TRIO: variants seen among roughly 807,000 people sequenced by gnomAD.
The protein encoded by TRIO is triple functional domain protein.
In TRIO, 58 loss-of-function variants were observed where a neutral mutation model predicts 351.9. The ratio of observed to expected loss-of-function variants is 0.16; its 90% confidence interval spans 0.13 to 0.21. TRIO has a LOEUF of 0.21. Among genes scored for constraint, TRIO ranks in the 10% least tolerant of loss-of-function variants. The probability of loss-of-function intolerance (pLI) is 1.00; values close to 1 mark genes in which losing one functional copy is unlikely to be tolerated. For synonymous variants in TRIO, 1,758 were observed against 1,595.7 expected, an observed-to-expected ratio of 1.10 and a Z score of -2.42; for missense variants, 3,201 against 4,027.8, an observed-to-expected ratio of 0.79 and a Z score of 5.56.
At chr5:14,404,806 C>T (rs1022661565) in intron 31 of TRIO, among the ~76,000 whole-genome samples, 32 of 152,150 alleles carry the variant, frequency 2.1e-4, no homozygotes, top group Admixed American at 2.6e-4. Context: ...GACAGGTCCT[C>T]TGGTTAAAAC....
chr5:14,298,789 AC>A (rs2152291682), intron 7 of TRIO, among the ~76,000 whole-genome samples: 1 of 152,344 alleles, frequency 6.6e-6, no homozygotes, highest in South Asian at 2.1e-4. Context: ...CTACTTTCTA[AC>A]TTTTTGCATT....
intron 26 of TRIO, chr5:14,390,521 T>C: frequency 1.7e-6 from 1 of 581,784 alleles, no homozygotes; most frequent in Non-Finnish European, 3.0e-6. Context: ...GAATATTTAG[T>C]GTGCCAGGTC....
intron 1 of TRIO, among the ~76,000 whole-genome samples, chr5:14,216,569 TACTG>T (rs1792242112): frequency 1.3e-5 from 2 of 152,384 alleles, no homozygotes; most frequent in South Asian, 4.1e-4. Flanking sequence ...GTTCTCATAA[TACTG>T]ACATCAAGGT....
chr5:14,438,226 C>T (rs1318743011), intron 34 of TRIO, among the ~76,000 whole-genome samples: 1 of 152,206 alleles, frequency 6.6e-6, no homozygotes, highest in Non-Finnish European at 1.5e-5. Context: ...TTGCAAAATT[C>T]AACTCCATCT....
At chr5:14,331,985 A>G (rs1324617273) in intron 10 of TRIO, among the ~76,000 whole-genome samples, 1 of 152,226 alleles carries the variant, frequency 6.6e-6, no homozygotes, top group Non-Finnish European at 1.5e-5. Flanking sequence ...TTTCATGTTA[A>G]TGTTCCTGTT....
At chr5:14,394,703 T>G (rs764492789) in intron 28 of TRIO, among the ~76,000 whole-genome samples, 12 of 152,216 alleles carry the variant, frequency 7.9e-5, no homozygotes, top group Non-Finnish European at 1.3e-4. Context: ...CCGCAAGTAT[T>G]GGAGTCAGGC....
In TRIO at chr5:14,400,272, A is replaced by G. The variant is rs576100685; in HGVS notation, c.4615-691A>G. On this transcript the variant is annotated intron_variant, in intron 30 of 56. Coordinates refer to ENST00000344204, the MANE Select transcript of TRIO (RefSeq NM_007118.4). ...GCTCATCTGTTTTAGCAGCCAATAC[A>G]TCTTCACTTAATTTATCTTTTAGAA... Among the ~76,000 whole-genome samples the G allele has an allele frequency of 4.6e-5, 7 of 152,276 alleles. No individual in the cohort carries two copies. In the East Asian group the frequency reaches 5.8e-4, roughly 13 times the overall value.
chr5:14,469,464 G>A (rs370581172), intron 37 of TRIO, among the ~76,000 whole-genome samples: 4 of 152,202 alleles, frequency 2.6e-5, no homozygotes, highest in African/African-American at 9.6e-5. Context: ...TCTCATAAGA[G>A]GTAGAATATT....
chr5:14,454,215 C>T (rs1753067586), intron 34 of TRIO, among the ~76,000 whole-genome samples: 1 of 152,154 alleles, frequency 6.6e-6, no homozygotes, highest in Non-Finnish European at 1.5e-5. Flanking sequence ...AGGCGTGAGC[C>T]ACCGTGCCCT....
chr5:14,257,366 G>T (rs1480289284), intron 1 of TRIO, among the ~76,000 whole-genome samples: 1 of 152,216 alleles, frequency 6.6e-6, no homozygotes, highest in African/African-American at 2.4e-5. Flanking sequence ...GATGCAGAAA[G>T]ATAGACAGGT....
Position 14,462,894 on chromosome 5 carries a change from G to A in TRIO, c.5636G>A (p.Ser1879Asn), listed in dbSNP as rs1753935398. 1 of 1,604,770 alleles carries A rather than the reference G, an allele frequency of 6.2e-7. No individual in the cohort carries two copies. The highest frequency in any genetic ancestry group is 1.7e-4 in the Middle Eastern group (1 of 5,996). ...LPPPMAIQQHSLLQPDSQDDK... is the reference protein window; with the variant it reads ...LPPPMAIQQHNLLQPDSQDDK... ...CCACCCATGGCCATCCAGCAGCACA[G>A]CCTCCTCCAGCCAGACTCACAGGAT... Residue 1879 changes from serine (S) to asparagine (N), a missense_variant, in exon 36 of 57, where the codon AGC becomes AAC. Around this residue, in one of 19 missense-constraint regions of TRIO, gnomAD observed 307 missense variants for 396.5 expected, o/e 0.77. Transcript: ENST00000344204.
rs2152281747 is a variant in TRIO at position 14,286,942 on chromosome 5, C to T, written c.419C>T (p.Pro140Leu). ...MRGSKWDSIKPLLKILQESFP... is the reference protein window; with the variant it reads ...MRGSKWDSIKLLLKILQESFP... ...GGGTCCAAGTGGGACTCCATCAAGC[C>T]CCTTCTGAAGATCCTGCAGGAGTCC... The change falls in exon 4 of 57, where the codon CCC (proline) becomes CTC (leucine). Residue 140 changes from proline to leucine, a missense_variant. By Grantham distance (98) the Pro-to-Leu change is moderately conservative. Transcript: ENST00000344204. This position sits in a 1 kb window ranked among gnomAD's most constrained non-coding sequence, Gnocchi z 4.4. 1 of 1,614,132 alleles carries T rather than the reference C, an allele frequency of 6.2e-7. No individual in the cohort carries two copies.
At chr5:14,449,740 C>T (rs1415285118) in intron 34 of TRIO, among the ~76,000 whole-genome samples, 11 of 152,174 alleles carry the variant, frequency 7.2e-5, no homozygotes, top group Admixed American at 5.9e-4. Context: ...CTGTTATCCA[C>T]GATCAGTAAT....
At chr5:14,148,925 A>G (rs1030042703) in intron 1 of TRIO, among the ~76,000 whole-genome samples, 6 of 152,216 alleles carry the variant, frequency 3.9e-5, no homozygotes, top group African/African-American at 1.4e-4. Context: ...GTGCATCCAC[A>G]GGGTTCTCTT....
intron 1 of TRIO, among the ~76,000 whole-genome samples, chr5:14,263,294 G>GA (rs1160072596): frequency 4.6e-5 from 7 of 152,300 alleles, no homozygotes; most frequent in Non-Finnish European, 8.8e-5. Flanking sequence ...CATGTGCACT[G>GA]AGAGAGGTTT....
At chr5:14,227,215 G>A (rs2152216415) in intron 1 of TRIO, among the ~76,000 whole-genome samples, 1 of 152,298 alleles carries the variant, frequency 6.6e-6, no homozygotes, top group Admixed American at 6.5e-5. Context: ...TTCAGGAAGT[G>A]CACAGATGCC....
In TRIO at chr5:14,270,931, A is replaced by G. The variant is rs1306715910; in HGVS notation, c.232+32A>G. 4.7e-6 allele frequency: 7 copies of G among 1,491,938 alleles called. No homozygotes were observed. In the East Asian group the frequency reaches 6.8e-5, roughly 14 times the overall value. The allele number at this position is 1,491,938 out of a possible 1,614,324, so 92.4% of individuals were successfully genotyped here. ...TTTAACTTTCAACTCTGCTCTATCC[A>G]ACTGCTCTGACACAATTTCAGAGTC... On this transcript the variant is annotated intron_variant, in intron 2 of 56. Coordinates refer to ENST00000344204, the MANE Select transcript of TRIO (RefSeq NM_007118.4).
chr5:14,387,389 G>A (rs1156257646), intron 21 of TRIO, 49 bp from the exon 22 acceptor site: 3 of 1,543,846 alleles, frequency 1.9e-6, no homozygotes, highest in Non-Finnish European at 2.6e-6. Flanking sequence ...TGAGGTTTCT[G>A]GCAGTCGGAT....
chr5:14,481,342 C>T (rs1314624707), intron 44 of TRIO, 58 bp downstream of exon 44: 2 of 1,600,586 alleles, frequency 1.2e-6, no homozygotes, highest in Non-Finnish European at 1.7e-6. Context: ...TTCCTAATCC[C>T]CAAGTGTCTC....
Sources: allele counts gnomAD v4.1 joint callset (sites outside exome capture counted in the v4.1 genomes callset), GRCh38; gene constraint gnomAD v4.1.1; regional missense constraint gnomAD v4.1.1; non-coding constraint Gnocchi (gnomAD v3.1); transcripts MANE v1.5; gene names NCBI Gene and HGNC (gene_info 2026-07-23, HGNC 2026-07-21).